PTPN13: variants seen among roughly 807,000 people sequenced by gnomAD.
PTPN13 encodes tyrosine-protein phosphatase non-receptor type 13.
Under a neutral mutation model 284.0 loss-of-function variants are expected in PTPN13, and 191 were observed. That is an observed-to-expected ratio of 0.67 (90% CI 0.60 to 0.76). The LOEUF is 0.76. Among genes scored for constraint, PTPN13 ranks in the 30% least tolerant of loss-of-function variants. The probability of loss-of-function intolerance (pLI) is 0.00; values close to 1 mark genes in which losing one functional copy is unlikely to be tolerated. For synonymous variants in PTPN13, 986 were observed against 1,022.3 expected (o/e 0.96, Z 0.68); for missense variants, 2,797 against 2,939.9 (o/e 0.95, Z 1.12).
intron 2 of PTPN13, among the ~76,000 whole-genome samples, chr4:86,637,290 A>G (rs1388925406): frequency 3.9e-5 from 6 of 152,094 alleles, no homozygotes; most frequent in Non-Finnish European, 5.9e-5. Flanking sequence ...AACTATTCCA[A>G]TCAACAGAAA....
At chr4:86,766,200 T>C (rs1739293852) in intron 26 of PTPN13, among the ~76,000 whole-genome samples, 1 of 152,200 alleles carries the variant, frequency 6.6e-6, no homozygotes, top group Admixed American at 6.5e-5. Flanking sequence ...GTTCAACTTA[T>C]CTTCTCTCTT....
intron 1 of PTPN13, among the ~76,000 whole-genome samples, chr4:86,608,856 A>G (rs1002088807): frequency 2.2e-4 from 34 of 152,200 alleles, no homozygotes; most frequent in Non-Finnish European, 5.9e-5. Flanking sequence ...TAGTACGTTT[A>G]AAAATCATCC....
intron 7 of PTPN13, among the ~76,000 whole-genome samples, chr4:86,702,432 G>A (rs1303244786): frequency 6.6e-6 from 1 of 152,098 alleles, no homozygotes; most frequent in East Asian, 1.9e-4. Context: ...GTCTTTACTT[G>A]GGCTTCATCT....
intron 44 of PTPN13, among the ~76,000 whole-genome samples, chr4:86,805,924 G>A (rs1328073443): frequency 2.0e-5 from 3 of 152,102 alleles, no homozygotes; most frequent in Non-Finnish European, 4.4e-5. Context: ...GGGAGGCCGA[G>A]GGAGGCAGAT....
intron 10 of PTPN13, among the ~76,000 whole-genome samples, chr4:86,730,996 G>A (rs1352119315): frequency 6.6e-6 from 1 of 152,046 alleles, no homozygotes; most frequent in Non-Finnish European, 1.5e-5. Context: ...TTGGTTCATT[G>A]AATATTAATA....
intron 23 of PTPN13, among the ~76,000 whole-genome samples, chr4:86,760,682 TG>T (rs1300422305): frequency 3.3e-5 from 5 of 152,272 alleles, no homozygotes; most frequent in Admixed American, 6.5e-5. Flanking sequence ...CTTTACCTAT[TG>T]TGAGGATCAG....
rs1729300343 is a variant in PTPN13, at chr4:86,685,060, T to C, written c.295-1650T>C. Among the ~76,000 whole-genome samples the C allele has an allele frequency of 3.3e-5, 5 of 152,250 alleles. No individual in the cohort carries two copies. The South Asian group carries it at 1.0e-3, about 32-fold the overall frequency. On this transcript the variant is annotated intron_variant, in intron 3 of 47. Transcript: ENST00000411767. ...AAATCCAACTCCTCCATTTGTGCTT[T>C]AGCTTCAATCTCCTTATCTACTCAA...
intron 2 of PTPN13, among the ~76,000 whole-genome samples, chr4:86,646,952 A>G (rs1724511084): frequency 6.6e-6 from 1 of 152,220 alleles, no homozygotes; most frequent in South Asian, 2.1e-4. Context: ...TGAGTGAAGG[A>G]AGTCAGACAA....
In PTPN13 at chr4:86,763,086, A is replaced by T. The variant is rs753716150; in HGVS notation, c.3913A>T (p.Lys1305Ter). 1.2e-6 allele frequency: 2 copies of T among 1,613,742 alleles called. No individual in the cohort carries two copies. Among genetic ancestry groups the T allele is most frequent in the East Asian group, 4.5e-5 (2 of 44,892 alleles). The change falls in exon 24 of 48, where the codon AAA (lysine) becomes TAA (stop). Residue 1305 changes from lysine to a stop codon, truncating the protein, a stop_gained. Transcript: ENST00000411767. LOFTEE classifies it high-confidence loss of function. ...CACTGATAGTAACCAAAGCAAAACTAAAAAGCCAGGCATTTCTGATGTAAC... is the reference window on the plus strand; with the variant it reads ...CACTGATAGTAACCAAAGCAAAACTTAAAAGCCAGGCATTTCTGATGTAAC... Reference protein sequence around the residue: ...TFTDSNQSKTKKPGISDVTDY... With the variant: ...TFTDSNQSKT
Position 86,656,243 on chromosome 4 carries a change from G to A in PTPN13, c.116-16122G>A, listed in dbSNP as rs571719439. 6.6e-5 allele frequency among the ~76,000 whole-genome samples: 10 copies of A among 152,278 alleles called. No homozygotes were observed. In the East Asian group the frequency reaches 9.6e-4, roughly 15 times the overall value. ...ATCTGAAGCCTTCTTCTCCCAACTC[G>A]TCAAAGTCATTCTCCATCCAGCTTT... is the stretch of plus-strand genomic sequence containing the variant. On this transcript the variant is annotated intron_variant, in intron 2 of 47. Coordinates refer to ENST00000411767, the MANE Select transcript of PTPN13 (RefSeq NM_080683.3).
At chr4:86,646,290 ATTTTTTT>A (rs772882076) in intron 2 of PTPN13, among the ~76,000 whole-genome samples, 8 of 132,858 alleles carry the variant, frequency 6.0e-5, no homozygotes, top group Middle Eastern at 3.9e-3. Flanking sequence ...AATATTTGCA[ATTTTTTT>A]TTTTTTTTTT....
rs531738184 is a variant in PTPN13, at chr4:86,671,089, A to G, written c.116-1276A>G. 3.9e-5 allele frequency among the ~76,000 whole-genome samples: 6 copies of G among 152,356 alleles called. No homozygotes were observed. In the South Asian group the frequency reaches 1.2e-3, roughly 32 times the overall value. ...CACATTTTTCTTCTTTGACACCATT[A>G]TTAAAGACATGTCTCAGATTCATAA... On this transcript the variant is annotated intron_variant, in intron 2 of 47. Transcript: ENST00000411767.
Position 86,732,712 on chromosome 4 carries a change from G to A in PTPN13, c.1804G>A (p.Val602Met), listed in dbSNP as rs1486303400. 1 of 1,613,564 alleles carries A rather than the reference G, an allele frequency of 6.2e-7. No homozygotes were observed. The highest frequency in any genetic ancestry group is 1.7e-5 in the Admixed American group (1 of 60,010). Residue 602 changes from valine to methionine, a missense_variant, in exon 12 of 48, where the codon GTG becomes ATG. Coordinates refer to ENST00000411767, the MANE Select transcript of PTPN13 (RefSeq NM_080683.3). ...ATGTAAAGATGTGTTTGATATGGTTGTGGCACATATTGGCTTAGTAGAGCA... is the reference window on the plus strand; with the variant it reads ...ATGTAAAGATGTGTTTGATATGGTTATGGCACATATTGGCTTAGTAGAGCA... ...TICKDVFDMVVAHIGLVEHHL... is the reference protein window; with the variant it reads ...TICKDVFDMVMAHIGLVEHHL...
At position 86,689,014 on chromosome 4, in the gene PTPN13, C is replaced by T. The variant is rs761431138; in HGVS notation, c.370C>T (p.Leu124Phe). 6.4e-7 allele frequency: 1 copy of T among 1,557,376 alleles called. No individual in the cohort carries two copies. The highest frequency in any genetic ancestry group is 8.9e-7 in the Non-Finnish European group (1 of 1,128,730). Residue 124 changes from leucine to phenylalanine, a missense_variant, in exon 5 of 48, where the codon CTT (leucine) becomes TTT (phenylalanine). By Grantham distance (22) the Leu-to-Phe change is conservative. Coordinates refer to ENST00000411767, the MANE Select transcript of PTPN13 (RefSeq NM_080683.3). ...CTTTATTTATATTCAGCCTATTAAG[C>T]TTGGAGATCATCTCAACAGCATACT... ...YEVPQSQPIK[L>F]GDHLNSILLG...
chr4:86,705,754 T>C (rs903276502), intron 7 of PTPN13, among the ~76,000 whole-genome samples: 1 of 152,090 alleles, frequency 6.6e-6, no homozygotes, highest in African/African-American at 2.4e-5. Flanking sequence ...TAGAGTTTTA[T>C]TATTTTGGAG....
chr4:86,715,048 G>A (rs1012875697), intron 7 of PTPN13, among the ~76,000 whole-genome samples: 3 of 152,100 alleles, frequency 2.0e-5, no homozygotes, highest in African/African-American at 4.8e-5. Context: ...GAAGAGCGGT[G>A]TTTCTAACAG....
rs376945656 is a variant in PTPN13 at position 86,701,600 on chromosome 4, C to G, written c.994C>G (p.Arg332Gly). ...RRCHPEAVTV[R>G]TSTTPRKKEA... is the part of the protein sequence containing the mutation. ...TTGTCACCCTGAGGCAGTAACAGTG[C>G]GGACTTCAACTACTCCTAGAAAAAA... Residue 332 changes from arginine (R) to glycine (G), a missense_variant, in exon 7 of 48, where the codon CGG becomes GGG. Arg to Gly is a moderately radical substitution (Grantham distance 125). Coordinates refer to ENST00000411767, the MANE Select transcript of PTPN13 (RefSeq NM_080683.3). 1 of 1,613,818 alleles carries G rather than the reference C, an allele frequency of 6.2e-7. No homozygotes were observed. The highest frequency in any genetic ancestry group is 1.1e-5 in the South Asian group (1 of 91,074).
intron 2 of PTPN13, among the ~76,000 whole-genome samples, chr4:86,648,289 C>T (rs926984588): frequency 1.3e-5 from 2 of 151,948 alleles, no homozygotes; most frequent in Non-Finnish European, 2.9e-5. Flanking sequence ...ATTGTAGTTG[C>T]CCTATTGTGC....
chr4:86,596,776 T>C (rs1439234306), intron 1 of PTPN13, among the ~76,000 whole-genome samples: 1 of 152,224 alleles, frequency 6.6e-6, no homozygotes, highest in Non-Finnish European at 1.5e-5. Context: ...AGAGAAGGAC[T>C]GTAAGGGATA....
Sources: gnomAD v4.1 joint callset for allele counts (sites outside exome capture counted in the v4.1 genomes callset) on GRCh38, gnomAD v4.1.1 for gene constraint, MANE v1.5 for transcripts, NCBI Gene and HGNC (gene_info 2026-07-23, HGNC 2026-07-21) for gene names.